The following ZNRF3 variants were observed in gnomAD, a reference collection of about 807,000 sequenced individuals.
ZNRF3 encodes zinc and ring finger 3.
ZNRF3 carries 23 observed loss-of-function variants against 72.5 expected under a neutral mutation model. The observed-to-expected ratio is 0.32, with a 90% CI of 0.23 to 0.45. The LOEUF (loss-of-function observed/expected upper bound fraction) is 0.45. Ranked by LOEUF, ZNRF3 falls within the 20% of genes least tolerant of loss-of-function variation. The probability of loss-of-function intolerance (pLI) is 1.00; values close to 1 mark genes in which losing one functional copy is unlikely to be tolerated. For synonymous variants in ZNRF3, 610 were observed against 545.3 expected, an observed-to-expected ratio of 1.12 and a Z score of -1.65; for missense variants, 1,169 against 1,272.1, an observed-to-expected ratio of 0.92 and a Z score of 1.23.
intron 2 of ZNRF3, among the ~76,000 whole-genome samples, chr22:29,013,603 G>A (rs1420836034): frequency 1.3e-5 from 2 of 152,168 alleles, no homozygotes; most frequent in East Asian, 1.9e-4. Context: ...CCAAGTTACA[G>A]TTACAGCTAA....
chr22:28,929,841 T>C (rs1377391829), intron 1 of ZNRF3, among the ~76,000 whole-genome samples: 1 of 152,194 alleles, frequency 6.6e-6, no homozygotes, highest in Non-Finnish European at 1.5e-5. Context: ...ATCTTAAGTT[T>C]TAATTAAAGC....
At chr22:28,983,550 C>G (rs2035803717) in intron 1 of ZNRF3, among the ~76,000 whole-genome samples, 1 of 152,226 alleles carries the variant, frequency 6.6e-6, no homozygotes, top group African/African-American at 2.4e-5. Context: ...TCCTCCACAT[C>G]TGCCGCTCTC....
At position 29,050,208 on chromosome 22, in the gene ZNRF3, G is replaced by A; in HGVS notation, c.2027G>A (p.Arg676Lys). The A allele has an allele frequency of 5.0e-6, 8 of 1,600,632 alleles. No homozygotes were observed. The highest frequency in any genetic ancestry group is 6.8e-6 in the Non-Finnish European group (8 of 1,179,856). ...AGCAGCAACTCCTCCCTGGAGCACA[G>A]GGGGCCCAATAGCTCTACCTCAGAA... ...NYSSNSSLEH[R>K]GPNSSTSEVG... The change falls in exon 8 of 9, where the codon AGG (arginine) becomes AAG (lysine). Residue 676 changes from arginine to lysine, a missense_variant. Arg to Lys is a conservative substitution (Grantham distance 26, BLOSUM62 2). Transcript: ENST00000544604.
chr22:28,926,102 C>CT (rs943826133), intron 1 of ZNRF3, among the ~76,000 whole-genome samples: 1 of 152,196 alleles, frequency 6.6e-6, no homozygotes, highest in African/African-American at 2.4e-5. Flanking sequence ...GTTTGAATGA[C>CT]TTGCCCTCTC....
chr22:28,883,680 G>C lies in ZNRF3; in HGVS notation c.-87G>C, dbSNP rs1393808649. The C allele has an allele frequency of 1.0e-6, 1 of 971,968 alleles. No individual in the cohort carries two copies. Among genetic ancestry groups the C allele is most frequent in the African/African-American group, 1.8e-5 (1 of 56,342 alleles). The allele number at this position is 971,968 out of a possible 1,614,324, so 60.2% of individuals were successfully genotyped here. On this transcript the variant is annotated 5_prime_UTR_variant, in exon 1 of 9. Transcript: ENST00000544604. The surrounding 1 kb of genome is among the most constrained non-coding windows in gnomAD (Gnocchi z 5.5). ...CCGCCGCCGCCGCCGTGATGGGGCT[G>C]TGAGGCGTCCGCCCGCGTTCGGTCC...
rs2037189545 is a variant in ZNRF3 at position 29,050,772 on chromosome 22, C to T, written c.2591C>T (p.Pro864Leu). Residue 864 changes from proline to leucine, a missense_variant, in exon 8 of 9, where the codon CCA (proline) becomes CTA (leucine). By Grantham distance (98) the Pro-to-Leu change is moderately conservative. Around this residue, in one of 2 missense-constraint regions of ZNRF3, gnomAD observed 783 missense variants for 731.4 expected, o/e 1.07. Coordinates refer to ENST00000544604, the MANE Select transcript of ZNRF3 (RefSeq NM_001206998.2). The part of the protein sequence containing the change: ...SWGGTRGPDT[P>L]RPHRGLGATR... ...GGTGGGACGCGAGGCCCGGATACCCCACGGCCCCACAGGGGCCTGGGAGCA... is the reference window on the plus strand; with the variant it reads ...GGTGGGACGCGAGGCCCGGATACCCTACGGCCCCACAGGGGCCTGGGAGCA... 4 of 1,606,820 alleles carry T rather than the reference C, an allele frequency of 2.5e-6. No individual in the cohort carries two copies. Among genetic ancestry groups the T allele is most frequent in the East Asian group, 4.5e-5 (2 of 44,568 alleles).
chr22:28,952,319 C>T (rs1280496865), intron 1 of ZNRF3, among the ~76,000 whole-genome samples: 1 of 152,216 alleles, frequency 6.6e-6, no homozygotes, highest in African/African-American at 2.4e-5. Flanking sequence ...TGCTCTGGCC[C>T]TCCCTTCTGG....
chr22:28,898,926 G>GTT lies in ZNRF3; in HGVS notation c.300+14883_300+14884dup, dbSNP rs34713478. Among the ~76,000 whole-genome samples, 630 of 113,970 alleles carry GTT rather than the reference G, an allele frequency of 5.5e-3. 2 individuals carry two copies. The highest frequency in any genetic ancestry group is 0.026 in the East Asian group (96 of 3,736). The allele number at this position is 113,970 out of a possible 152,430, so 74.8% of individuals were successfully genotyped here. Reference sequence around the variant, plus strand: ...GTTCTGTATAAGTTGACATGCTGAGGTTTTTTTTTTTTTTTTTTTTTTTTA... The same window carrying GTT: ...GTTCTGTATAAGTTGACATGCTGAGGTTTTTTTTTTTTTTTTTTTTTTTTTTA... On this transcript the variant is annotated intron_variant, in intron 1 of 8. Transcript: ENST00000544604.
Position 29,050,845 on chromosome 22 carries a change from G to A in ZNRF3, c.2664G>A (p.Leu888=), listed in dbSNP as rs1380572622. The A allele has an allele frequency of 1.2e-6, 2 of 1,605,060 alleles. No individual in the cohort carries two copies. Among genetic ancestry groups the A allele is most frequent in the Non-Finnish European group, 1.7e-6 (2 of 1,178,360 alleles). Residue 888 remains leucine, a synonymous_variant, in exon 8 of 9, where the codon CTG becomes CTA. Transcript: ENST00000544604. ...RALCCQARAL[L]RPGCPPEEAG... is the part of the protein sequence containing the mutation. Reference sequence around the variant, plus strand: ...TGTGCTGCCAGGCTAGGGCCCTACTGCGGCCTGGCTGCCCTCCGGAGGAGG... The same window carrying A: ...TGTGCTGCCAGGCTAGGGCCCTACTACGGCCTGGCTGCCCTCCGGAGGAGG...
intron 1 of ZNRF3, among the ~76,000 whole-genome samples, chr22:28,884,320 G>C (rs1601521437): frequency 6.6e-6 from 1 of 152,300 alleles, no homozygotes; most frequent in East Asian, 1.9e-4. Context: ...CCTGGGCCCG[G>C]CACCCATGCT....
intron 2 of ZNRF3, among the ~76,000 whole-genome samples, chr22:29,037,630 G>A (rs897972641): frequency 2.6e-5 from 4 of 152,172 alleles, no homozygotes; most frequent in South Asian, 2.1e-4. Context: ...TTTTAAGGGC[G>A]CAAGTGTTTG....
intron 2 of ZNRF3, 34 bp downstream of exon 2, chr22:28,987,235 T>C: frequency 3.1e-6 from 5 of 1,590,140 alleles, no homozygotes; most frequent in Non-Finnish European, 4.3e-6. Flanking sequence ...ACTGTGTTTC[T>C]GGTTGGTGTT....
intron 1 of ZNRF3, among the ~76,000 whole-genome samples, chr22:28,909,640 G>A (rs2034277159): frequency 6.6e-6 from 1 of 152,008 alleles, no homozygotes; most frequent in African/African-American, 2.4e-5. Context: ...GAGTGCGGGG[G>A]CGTGATCTCA....
At chr22:29,024,205 C>T (rs1004131112) in intron 2 of ZNRF3, among the ~76,000 whole-genome samples, 14 of 151,788 alleles carry the variant, frequency 9.2e-5, no homozygotes, top group African/African-American at 3.4e-4. Flanking sequence ...CCAAAGGAAG[C>T]GATCCGGCCC....
At chr22:28,996,798 A>G (rs2036051721) in intron 2 of ZNRF3, among the ~76,000 whole-genome samples, 1 of 152,232 alleles carries the variant, frequency 6.6e-6, no homozygotes. Flanking sequence ...TGCTGCTTGC[A>G]TTGGGATATA....
intron 2 of ZNRF3, among the ~76,000 whole-genome samples, chr22:29,034,690 A>G (rs2036832771): frequency 6.6e-6 from 1 of 152,182 alleles, no homozygotes; most frequent in South Asian, 2.1e-4. Flanking sequence ...TACTATAGAG[A>G]TATGAGGCAA....
intron 1 of ZNRF3, among the ~76,000 whole-genome samples, chr22:28,970,564 C>T (rs976884039): frequency 1.4e-4 from 21 of 152,262 alleles, no homozygotes; most frequent in East Asian, 3.9e-4. Context: ...CTCAAATATC[C>T]GTGGCAGCTT....
At chr22:29,008,280 C>G (rs1384839700) in intron 2 of ZNRF3, among the ~76,000 whole-genome samples, 1 of 152,206 alleles carries the variant, frequency 6.6e-6, no homozygotes, top group Non-Finnish European at 1.5e-5. Flanking sequence ...CCACACATTT[C>G]AGAGCACTGG....
intron 1 of ZNRF3, among the ~76,000 whole-genome samples, chr22:28,933,771 C>G (rs1316219849): frequency 7.4e-6 from 1 of 134,588 alleles, no homozygotes; most frequent in Non-Finnish European, 1.6e-5. Context: ...CTCTCTCTCT[C>G]TCTCTCTCCC....
Sources: allele counts gnomAD v4.1 joint callset (sites outside exome capture counted in the v4.1 genomes callset), GRCh38; gene constraint gnomAD v4.1.1; regional missense constraint gnomAD v4.1.1; non-coding constraint Gnocchi (gnomAD v3.1); transcripts MANE v1.5; gene names NCBI Gene and HGNC (gene_info 2026-07-23, HGNC 2026-07-21).